KCND2: variants seen among roughly 807,000 people sequenced by gnomAD.
The protein encoded by KCND2 is A-type voltage-gated potassium channel KCND2.
In KCND2, 16 loss-of-function variants were observed where a neutral mutation model predicts 54.4. The ratio of observed to expected loss-of-function variants is 0.29; its 90% CI spans 0.20 to 0.45. The LOEUF is 0.45. Among genes scored for constraint, KCND2 ranks in the 20% least tolerant of loss-of-function variants. The probability of loss-of-function intolerance (pLI) is 1.00; values close to 1 mark genes in which losing one functional copy is unlikely to be tolerated. For missense variants in KCND2, 486 were observed against 824.2 expected (o/e 0.59, Z 5.02); for synonymous variants, 317 against 310.7 (o/e 1.02, Z -0.21).
At chr7:120,624,876 C>A (rs1793146306) in intron 1 of KCND2, among the ~76,000 whole-genome samples, 1 of 151,990 alleles carries the variant, frequency 6.6e-6, no homozygotes, top group African/African-American at 2.4e-5. Flanking sequence ...ATGACATTTT[C>A]TCATAATACA....
intron 1 of KCND2, among the ~76,000 whole-genome samples, chr7:120,497,116 A>T (rs975020320): frequency 3.3e-5 from 5 of 152,212 alleles, no homozygotes; most frequent in African/African-American, 1.2e-4. Flanking sequence ...AAAAATAGTA[A>T]TTAATCATTT....
At chr7:120,638,794 G>C (rs188629519) in intron 1 of KCND2, among the ~76,000 whole-genome samples, 14 of 152,146 alleles carry the variant, frequency 9.2e-5, no homozygotes, top group Admixed American at 7.2e-4. Context: ...ACCTGCGTTG[G>C]GGTTGTATGG....
chr7:120,503,287 G>A (rs1439361943), intron 1 of KCND2, among the ~76,000 whole-genome samples: 3 of 151,790 alleles, frequency 2.0e-5, no homozygotes, highest in South Asian at 2.1e-4. Flanking sequence ...TTAAAATGTG[G>A]CATTAAATGC....
chr7:120,312,111 T>C (rs1799743174), intron 1 of KCND2, among the ~76,000 whole-genome samples: 1 of 152,140 alleles, frequency 6.6e-6, no homozygotes, highest in Non-Finnish European at 1.5e-5. Context: ...TTCTCCATGT[T>C]GGTCAGCCTG....
At chr7:120,679,357 A>G (rs75849923) in intron 1 of KCND2, among the ~76,000 whole-genome samples, 188 of 151,996 alleles carry the variant, frequency 1.2e-3, no homozygotes, top group African/African-American at 4.4e-3. Flanking sequence ...CTACTTTTTA[A>G]TGGATTCTGT....
intron 1 of KCND2, among the ~76,000 whole-genome samples, chr7:120,343,861 G>A (rs1800275514): frequency 6.6e-6 from 1 of 152,162 alleles, no homozygotes; most frequent in Non-Finnish European, 1.5e-5. Context: ...TCATATGCAT[G>A]TGCACTTGCA....
Position 120,547,543 on chromosome 7 carries a change from C to A in KCND2, c.1116-185360C>A, listed in dbSNP as rs192266484. ...ATAGAAGCAATTAGAACTCTCTGTT[C>A]CCTCCAATTTCTCTCTGTTGTTGCT... On this transcript the variant is annotated intron_variant, in intron 1 of 5. Coordinates refer to ENST00000331113, the MANE Select transcript of KCND2 (RefSeq NM_012281.3). Among the ~76,000 whole-genome samples the A allele has an allele frequency of 2.6e-5, 4 of 152,036 alleles. No homozygotes were observed. The East Asian group carries it at 7.7e-4, about 29-fold the overall frequency.
At chr7:120,581,262 G>A (rs1048987345) in intron 1 of KCND2, among the ~76,000 whole-genome samples, 2 of 152,290 alleles carry the variant, frequency 1.3e-5, no homozygotes, top group Non-Finnish European at 2.9e-5. Flanking sequence ...CTCTCTAAAA[G>A]CAAGTTTAGT....
At chr7:120,656,959 C>A (rs1436756435) in intron 1 of KCND2, among the ~76,000 whole-genome samples, 1 of 152,104 alleles carries the variant, frequency 6.6e-6, no homozygotes, top group Non-Finnish European at 1.5e-5. Context: ...CTGTATGAGG[C>A]CTCTGGGCCA....
At chr7:120,438,717 T>C (rs986239865) in intron 1 of KCND2, among the ~76,000 whole-genome samples, 2 of 151,988 alleles carry the variant, frequency 1.3e-5, no homozygotes, top group Non-Finnish European at 2.9e-5. Context: ...CATGAAAAAA[T>C]ATATTATGGG....
At chr7:120,679,696 AAAT>A (rs1271762175) in intron 1 of KCND2, among the ~76,000 whole-genome samples, 2 of 152,110 alleles carry the variant, frequency 1.3e-5, no homozygotes, top group African/African-American at 4.8e-5. Context: ...GCTTCAATAA[AAAT>A]AACCATGGAG....
chr7:120,381,471 C>T (rs1800914608), intron 1 of KCND2, among the ~76,000 whole-genome samples: 1 of 151,996 alleles, frequency 6.6e-6, no homozygotes, highest in South Asian at 2.1e-4. Flanking sequence ...AAAAATAAGA[C>T]ATGGTAAATT....
chr7:120,618,460 G>T (rs1793056167), intron 1 of KCND2, among the ~76,000 whole-genome samples: 1 of 152,064 alleles, frequency 6.6e-6, no homozygotes, highest in Non-Finnish European at 1.5e-5. Context: ...TCTCTAAACT[G>T]AGTTACAACT....
intron 1 of KCND2, among the ~76,000 whole-genome samples, chr7:120,530,531 T>C (rs1460352931): frequency 1.3e-5 from 2 of 152,168 alleles, no homozygotes; most frequent in Non-Finnish European, 2.9e-5. Context: ...ACCACTCTGC[T>C]CTTTCATAAT....
intron 1 of KCND2, among the ~76,000 whole-genome samples, chr7:120,527,223 A>G (rs1420696422): frequency 6.6e-6 from 1 of 152,164 alleles, no homozygotes; most frequent in African/African-American, 2.4e-5. Context: ...GGGAAATTAA[A>G]TCAACTTTAA....
At chr7:120,308,493 G>A (rs1168410782) in intron 1 of KCND2, among the ~76,000 whole-genome samples, 5 of 152,128 alleles carry the variant, frequency 3.3e-5, no homozygotes, top group African/African-American at 1.2e-4. Flanking sequence ...AACTCAAATA[G>A]AGATAAAATC....
At chr7:120,287,791 C>A (rs1189167331) in intron 1 of KCND2, among the ~76,000 whole-genome samples, 1 of 152,008 alleles carries the variant, frequency 6.6e-6, no homozygotes, top group Non-Finnish European at 1.5e-5. Context: ...TTGCAGTGAG[C>A]CGAGATTGCG....
At chr7:120,677,211 G>A (rs1792072226) in intron 1 of KCND2, among the ~76,000 whole-genome samples, 1 of 151,816 alleles carries the variant, frequency 6.6e-6, no homozygotes, top group African/African-American at 2.4e-5. Flanking sequence ...TAGAGACAGT[G>A]CAATAGAGAC....
chr7:120,553,509 C>CT (rs766396898), intron 1 of KCND2, among the ~76,000 whole-genome samples: 6 of 152,254 alleles, frequency 3.9e-5, no homozygotes, highest in Non-Finnish European at 7.4e-5. Flanking sequence ...GTTTTTACAA[C>CT]TAACTTGTTA....
Sources: allele counts gnomAD v4.1 joint callset (sites outside exome capture counted in the v4.1 genomes callset), GRCh38; gene constraint gnomAD v4.1.1; transcripts MANE v1.5; gene names NCBI Gene and HGNC (gene_info 2026-07-23, HGNC 2026-07-21).